VSIG10: variants seen among roughly 807,000 people sequenced by gnomAD.
The protein encoded by VSIG10 is V-set and immunoglobulin domain containing 10, also known as V-set and immunoglobulin domain-containing protein 10.
VSIG10 carries 48 observed loss-of-function variants against 58.7 expected under a neutral mutation model. The ratio of observed to expected loss-of-function variants is 0.82; its 90% confidence interval spans 0.65 to 1.04. The LOEUF is 1.04. Among genes scored for constraint, VSIG10 ranks in the 50% least tolerant of loss-of-function variants. VSIG10 has a pLI of 0.00. For synonymous variants in VSIG10, 260 were observed against 267.1 expected (o/e 0.97, Z 0.26); for missense variants, 628 against 670.0 (o/e 0.94, Z 0.69).
chr12:118,089,471 G>A (rs977750275), intron 2 of VSIG10, among the ~76,000 whole-genome samples: 3 of 152,160 alleles, frequency 2.0e-5, no homozygotes, highest in Non-Finnish European at 4.4e-5. Context: ...TAAAAGATAA[G>A]GTTATTCATT....
intron 7 of VSIG10, 42 bp downstream of exon 7, chr12:118,071,010 A>T (rs1429306480): frequency 6.3e-7 from 1 of 1,595,266 alleles, no homozygotes; most frequent in Non-Finnish European, 8.5e-7. Context: ...GTGAAGACAG[A>T]TGCGGGAATG....
chr12:118,071,027 T>C, intron 7 of VSIG10, 25 bp downstream of exon 7: 1 of 1,600,384 alleles, frequency 6.2e-7, no homozygotes, highest in Non-Finnish European at 8.5e-7. Context: ...AATGGGTGTT[T>C]GGTTTGATTC....
intron 1 of VSIG10, among the ~76,000 whole-genome samples, chr12:118,097,523 G>A (rs1220985832): frequency 6.6e-6 from 1 of 151,982 alleles, no homozygotes; most frequent in South Asian, 2.1e-4. Context: ...GCTGAGGCAC[G>A]AGAATCACTT....
At chr12:118,071,090 A>G (rs376515873) in intron 6 of VSIG10, 23 bp from the exon 7 acceptor site, 5 of 1,588,242 alleles carry the variant, frequency 3.1e-6, no homozygotes, top group Non-Finnish European at 4.3e-6. Flanking sequence ...AGGAAAAACC[A>G]TTAATATCCA....
chr12:118,082,081 A>C, intron 3 of VSIG10, 46 bp downstream of exon 3: 3 of 1,575,126 alleles, frequency 1.9e-6, no homozygotes, highest in Non-Finnish European at 2.6e-6. Flanking sequence ...TAAGTTCACA[A>C]AGGGTTAAGG....
At chr12:118,081,905 A>G (rs2032962375) in intron 3 of VSIG10, among the ~76,000 whole-genome samples, 1 of 151,744 alleles carries the variant, frequency 6.6e-6, no homozygotes, top group South Asian at 2.1e-4. Flanking sequence ...AATCCCAGCT[A>G]CCTCGGGAGG....
rs748518217 is a variant in VSIG10, at chr12:118,073,805, G to A, written c.1113C>T (p.Thr371=). The A allele has an allele frequency of 2.5e-6, 4 of 1,614,010 alleles. 1 individual carries two copies. In the South Asian group the frequency reaches 4.4e-5, roughly 18 times the overall value. The change falls in exon 5 of 9, where the codon ACC becomes ACT. Residue 371 remains threonine, a synonymous_variant. Transcript: ENST00000359236. Reference sequence around the variant, plus strand: ...CCTGGGAGCAGTTGTGGATAGTGAGGGTGGAGTTCTGGCCATCCTGGGTAA... The same window carrying A: ...CCTGGGAGCAGTTGTGGATAGTGAGAGTGGAGTTCTGGCCATCCTGGGTAA... ...HLITQDGQNS[T]LTIHNCSQDL...
chr12:118,073,272 G>A (rs533583077), intron 5 of VSIG10, among the ~76,000 whole-genome samples: 2 of 152,220 alleles, frequency 1.3e-5, no homozygotes, highest in Admixed American at 6.5e-5. Context: ...TGATCCACCC[G>A]CCTCGGCCTC....
intron 1 of VSIG10, among the ~76,000 whole-genome samples, chr12:118,098,262 TCCGC>T (rs1566179663): frequency 4.8e-5 from 7 of 146,454 alleles, no homozygotes; most frequent in Admixed American, 1.4e-4. Context: ...TCCCTCTCTC[TCCGC>T]CTCTCCCTCT....
In VSIG10 at chr12:118,079,597, G is replaced by A. The variant is rs749559671; in HGVS notation, c.674C>T (p.Pro225Leu). The change falls in exon 4 of 9, where the codon CCA (proline) becomes CTA (leucine). Residue 225 changes from proline to leucine, a missense_variant. By Grantham distance (98) the Pro-to-Leu change is moderately conservative (BLOSUM62 -3). Coordinates refer to ENST00000359236, the MANE Select transcript of VSIG10 (RefSeq NM_019086.6). ...CTGTGCCCAGCACTGGGGAGCTGAT[G>A]GAGGGGGATCTGCAAAACACCAGAG... Reference protein sequence around the residue: ...TTELLVYYPPPSAPQCWAQMA... With the variant: ...TTELLVYYPPLSAPQCWAQMA... 1 of 1,613,958 alleles carries A rather than the reference G, an allele frequency of 6.2e-7. No individual in the cohort carries two copies. The highest frequency in any genetic ancestry group is 1.1e-5 in the South Asian group (1 of 91,076).
At chr12:118,102,560 CT>C (rs2137969910) in intron 1 of VSIG10, 1 of 151,916 alleles carries the variant, frequency 6.6e-6, no homozygotes, top group South Asian at 2.1e-4. Flanking sequence ...AACTGGAAAT[CT>C]AGAGATGTTA....
chr12:118,093,938 AATAG>A (rs1323499708), intron 2 of VSIG10, among the ~76,000 whole-genome samples: 6 of 151,928 alleles, frequency 3.9e-5, no homozygotes, highest in Non-Finnish European at 5.9e-5. Flanking sequence ...ATAAAATAAA[AATAG>A]ATAAGAGTGC....
At chr12:118,081,763 T>C (rs530225068) in intron 3 of VSIG10, among the ~76,000 whole-genome samples, 4 of 152,130 alleles carry the variant, frequency 2.6e-5, no homozygotes, top group Non-Finnish European at 5.9e-5. Flanking sequence ...ACGCCTGTAA[T>C]CCCAGCACTA....
At chr12:118,085,811 G>A (rs1435796481) in intron 2 of VSIG10, among the ~76,000 whole-genome samples, 1 of 135,988 alleles carries the variant, frequency 7.4e-6, no homozygotes, top group African/African-American at 2.8e-5. Context: ...GCAGTGAGCC[G>A]AGATCACACC....
rs1266465782 is a variant in VSIG10 at position 118,066,485 on chromosome 12, G to A, written c.*154C>T. The A allele has an allele frequency of 4.1e-6, 3 of 732,044 alleles. No homozygotes were observed. Among genetic ancestry groups the A allele is most frequent in the Non-Finnish European group, 7.3e-6 (3 of 409,788 alleles). 45.3% of individuals were successfully genotyped at this position (732,044 alleles called of 1,614,324 possible). ...TTTTTCAATACATGGAAGGAAAGAT[G>A]TGTGTGCTTGGTTTTGTTTTTTGCT... is the stretch of plus-strand genomic sequence containing the variant. On this transcript the variant is annotated 3_prime_UTR_variant, in exon 9 of 9. Coordinates refer to ENST00000359236, the MANE Select transcript of VSIG10 (RefSeq NM_019086.6).
chr12:118,075,313 C>T (rs934609965), intron 4 of VSIG10, among the ~76,000 whole-genome samples: 6 of 151,858 alleles, frequency 4.0e-5, no homozygotes, highest in African/African-American at 1.5e-4. Context: ...AAGGCAGGAA[C>T]ACTACATTTC....
chr12:118,103,818 T>A lies in VSIG10; in HGVS notation c.-147A>T. The A allele has an allele frequency of 1.3e-6, 1 of 760,996 alleles. No individual in the cohort carries two copies. Among genetic ancestry groups the A allele is most frequent in the East Asian group, 3.4e-5 (1 of 29,210 alleles). The allele number at this position is 760,996 out of a possible 1,614,324, so 47.1% of individuals were successfully genotyped here. A position where few individuals can be genotyped will look rare whatever the true frequency, so the allele number is the denominator to read the frequency against. ...CCACTTCCTCGGCCCCCAGGAAGGA[T>A]GCTTGGCTGAGCCGAGTGTCCAGGG... On this transcript the variant is annotated 5_prime_UTR_variant, in exon 1 of 9. Coordinates refer to ENST00000359236, the MANE Select transcript of VSIG10 (RefSeq NM_019086.6).
At chr12:118,083,034 AC>A (rs1356348628) in intron 2 of VSIG10, among the ~76,000 whole-genome samples, 5 of 145,464 alleles carry the variant, frequency 3.4e-5, no homozygotes, top group African/African-American at 1.3e-4. Context: ...AATCACTTGA[AC>A]CTGGGAGATG....
At chr12:118,067,649 TG>T (rs35733246) in intron 8 of VSIG10, among the ~76,000 whole-genome samples, 1 of 151,614 alleles carries the variant, frequency 6.6e-6, no homozygotes, top group Middle Eastern at 3.4e-3. Flanking sequence ...TTAGTAGAGA[TG>T]GGGGTCTCAC....
Sources: gnomAD v4.1 joint callset for allele counts (sites outside exome capture counted in the v4.1 genomes callset) on GRCh38, gnomAD v4.1.1 for gene constraint, MANE v1.5 for transcripts, NCBI Gene and HGNC (gene_info 2026-07-23, HGNC 2026-07-21) for gene names.